MICAL2: variants seen among roughly 807,000 people sequenced by gnomAD.
The protein encoded by MICAL2 is [F-actin]-monooxygenase MICAL2.
A neutral mutation model predicts 127.3 loss-of-function variants in MICAL2; 77 were observed. That is an observed-to-expected ratio of 0.60 (90% CI 0.50 to 0.73). The LOEUF (loss-of-function observed/expected upper bound fraction) is 0.73. Ranked by LOEUF, MICAL2 falls within the 30% of genes least tolerant of loss-of-function variation. MICAL2 has a pLI of 0.00. For synonymous variants in MICAL2, 570 were observed against 551.1 expected (o/e 1.03, Z -0.48); for missense variants, 1,351 against 1,434.4 (o/e 0.94, Z 0.94).
chr11:12,354,937 G>T, intron 34 of MICAL2: 1 of 1,361,064 alleles, frequency 7.3e-7, no homozygotes, highest in East Asian at 2.4e-5. Context: ...CCCAGAGTGG[G>T]GCGCTCTTCC....
At chr11:12,223,180 C>T (rs538372888) in intron 11 of MICAL2, among the ~76,000 whole-genome samples, 3 of 152,142 alleles carry the variant, frequency 2.0e-5, no homozygotes, top group Non-Finnish European at 4.4e-5. Context: ...TAATTACATA[C>T]ACACAAATTA....
chr11:12,319,733 G>A lies in MICAL2; in HGVS notation c.5250G>A (p.Glu1750=), dbSNP rs756643338. 40 of 1,614,050 alleles carry A rather than the reference G, an allele frequency of 2.5e-5. 1 individual carries two copies. Among genetic ancestry groups the A allele is most frequent in the South Asian group, 1.3e-4 (12 of 91,076 alleles). ...TTCCCCTCAGAGCACAGGTAACAGA[G>A]GCTTCCTCTTCTGCCTCTTCAACCT... is the stretch of plus-strand genomic sequence containing the variant. The change falls in exon 30 of 35, where the codon GAG becomes GAA. Residue 1750 remains glutamate, a synonymous_variant. Coordinates refer to the MICAL2 transcript ENST00000646065.
At chr11:12,285,509 G>A (rs1453638156) in intron 2 of MICAL2, among the ~76,000 whole-genome samples, 1 of 152,202 alleles carries the variant, frequency 6.6e-6, no homozygotes, top group Non-Finnish European at 1.5e-5. Flanking sequence ...CCCAAAGTTA[G>A]TTCAGCCTAC....
At chr11:12,128,574 G>C (rs1177142820) in intron 1 of MICAL2, among the ~76,000 whole-genome samples, 3 of 152,242 alleles carry the variant, frequency 2.0e-5, no homozygotes, top group Non-Finnish European at 2.9e-5. Flanking sequence ...GAGAGCAGAG[G>C]CATGGCCAAT....
At chr11:12,183,070 C>T (rs576919963) in intron 3 of MICAL2, among the ~76,000 whole-genome samples, 14 of 152,004 alleles carry the variant, frequency 9.2e-5, no homozygotes, top group Admixed American at 7.9e-4. Flanking sequence ...GGTGGAAAGG[C>T]GCTAAAATGA....
intron 32 of MICAL2, among the ~76,000 whole-genome samples, chr11:12,334,177 ATT>A (rs1474784963): frequency 6.6e-6 from 1 of 152,200 alleles, no homozygotes; most frequent in African/African-American, 2.4e-5. Flanking sequence ...TCCACAGAGG[ATT>A]TGTTCCAGAA....
At chr11:12,166,674 T>C (rs1855540683) in intron 3 of MICAL2, among the ~76,000 whole-genome samples, 1 of 152,214 alleles carries the variant, frequency 6.6e-6, no homozygotes, top group South Asian at 2.1e-4. Context: ...GAAGGCTGTC[T>C]AGCATTCTGA....
intron 3 of MICAL2, among the ~76,000 whole-genome samples, chr11:12,187,604 C>G (rs1858471420): frequency 6.6e-6 from 1 of 152,236 alleles, no homozygotes; most frequent in South Asian, 2.1e-4. Context: ...GACTCAGACG[C>G]TGTGGTTTTG....
At chr11:12,234,925 C>A (rs567035374) in intron 15 of MICAL2, among the ~76,000 whole-genome samples, 1 of 152,280 alleles carries the variant, frequency 6.6e-6, no homozygotes, top group Non-Finnish European at 1.5e-5. Context: ...AGGTGGCCTG[C>A]AGCACTTCCC....
At chr11:12,213,158 C>T (rs1855715889) in intron 6 of MICAL2, 97 bp from the exon 7 acceptor site, 1 of 1,377,874 alleles carries the variant, frequency 7.3e-7, no homozygotes, top group Admixed American at 2.2e-5. Flanking sequence ...GTTTCACTGG[C>T]CTGGGAGGCA....
At chr11:12,210,261 C>T (rs773535373) in intron 6 of MICAL2, among the ~76,000 whole-genome samples, 1 of 152,168 alleles carries the variant, frequency 6.6e-6, no homozygotes, top group African/African-American at 2.4e-5. Context: ...CCGTCCCCTC[C>T]ACCTCAACAC....
chr11:12,220,575 G>A, intron 9 of MICAL2, 117 bp downstream of exon 9: 1 of 1,394,888 alleles, frequency 7.2e-7, no homozygotes, highest in Non-Finnish European at 9.6e-7. Context: ...CAGCCAGTTG[G>A]CAGGACTCTG....
intron 2 of MICAL2, among the ~76,000 whole-genome samples, chr11:12,282,949 A>T (rs1863787667): frequency 6.6e-6 from 1 of 152,194 alleles, no homozygotes; most frequent in Admixed American, 6.5e-5. Context: ...TTGGGAGACT[A>T]GTTGGGTTGG....
At chr11:12,111,217 T>C (rs1261315125) in intron 1 of MICAL2, among the ~76,000 whole-genome samples, 2 of 152,210 alleles carry the variant, frequency 1.3e-5, no homozygotes, top group African/African-American at 4.8e-5. Flanking sequence ...GGAAGTTAAG[T>C]TGGGCCAAAT....
At chr11:12,310,663 C>T (rs558225686) in intron 29 of MICAL2, among the ~76,000 whole-genome samples, 2 of 151,742 alleles carry the variant, frequency 1.3e-5, no homozygotes, top group East Asian at 3.9e-4. Flanking sequence ...TGGGGTCTTT[C>T]GTGGTTCTGT....
At chr11:12,281,690 T>A (rs1350233696) in intron 2 of MICAL2, among the ~76,000 whole-genome samples, 1 of 152,094 alleles carries the variant, frequency 6.6e-6, no homozygotes, top group African/African-American at 2.4e-5. Flanking sequence ...CCCTGTGGGG[T>A]AACTAGTGCG....
chr11:12,258,629 T>G, intron 25 of MICAL2, 73 bp downstream of exon 25: 2 of 1,403,694 alleles, frequency 1.4e-6, no homozygotes, highest in East Asian at 4.6e-5. Context: ...TCCTCAAAGT[T>G]AGGCCAGCTT....
intron 2 of MICAL2, among the ~76,000 whole-genome samples, chr11:12,146,861 C>T (rs552219745): frequency 4.6e-5 from 7 of 152,216 alleles, no homozygotes; most frequent in South Asian, 2.1e-4. Flanking sequence ...CAATATACAC[C>T]GTGGAATACT....
At chr11:12,343,812 G>C (rs1250861057) in intron 32 of MICAL2, among the ~76,000 whole-genome samples, 1 of 152,122 alleles carries the variant, frequency 6.6e-6, no homozygotes, top group Non-Finnish European at 1.5e-5. Flanking sequence ...CAGCTTTTCT[G>C]TTTTCTCTAT....
Sources: allele counts gnomAD v4.1 joint callset (sites outside exome capture counted in the v4.1 genomes callset), GRCh38; gene constraint gnomAD v4.1.1; transcripts MANE v1.5; gene names NCBI Gene and HGNC (gene_info 2026-07-23, HGNC 2026-07-21).